PMIS2: variants seen among roughly 807,000 people sequenced by gnomAD.
PMIS2 encodes transmembrane protein PMIS2.
At chr19:35,586,644 A>G in intron 1 of PMIS2, 103 bp downstream of exon 1, 1 of 394,168 alleles carries the variant, frequency 2.5e-6, no homozygotes, top group Non-Finnish European at 4.4e-6. Context: ...CAGTGGTGCA[A>G]TCTCGGCTCA....
At chr19:35,587,230 C>CAA (rs1205013090), downstream of PMIS2, 2 of 397,572 alleles carry the variant, frequency 5.0e-6, no homozygotes, top group Non-Finnish European at 8.9e-6. Flanking sequence ...AGCCATCAGG[C>CAA]AAGAAATTCA....
chr19:35,586,522 C>A (rs1447678760), exon 1 of PMIS2: 3 of 397,850 alleles, frequency 7.5e-6, no homozygotes, highest in African/African-American at 4.1e-5. Flanking sequence ...GGATTGGCAG[C>A]TTTGTACTTC....
exon 1 of PMIS2, chr19:35,586,201 T>C: frequency 2.5e-6 from 1 of 398,886 alleles, no homozygotes; most frequent in Non-Finnish European, 4.4e-6. Flanking sequence ...AGGGGAAGCC[T>C]AGTGGGTCTG....
chr19:35,587,274 C>CT (rs1476358753), downstream of PMIS2: 5 of 395,450 alleles, frequency 1.3e-5, no homozygotes, highest in African/African-American at 2.1e-5. Flanking sequence ...AATCCTCTAA[C>CT]CAAGGAACTC....
chr19:35,586,799 C>T (rs140361305), intron 1 of PMIS2, among the ~76,000 whole-genome samples, 177 bp from the exon 2 acceptor site: 14 of 152,128 alleles, frequency 9.2e-5, no homozygotes, highest in East Asian at 3.9e-4. Flanking sequence ...AGGCTGGTCT[C>T]GAGCTTCTGA....
chr19:35,587,003 A>G (rs1599583468), intron 1 of PMIS2: 1 of 398,610 alleles, frequency 2.5e-6, no homozygotes, highest in East Asian at 3.6e-5. Context: ...ACCCACATCT[A>G]TGCTTCCACC....
chr19:35,586,874 A>G (rs939488038), intron 1 of PMIS2, 102 bp from the exon 2 acceptor site: 1 of 397,828 alleles, frequency 2.5e-6, no homozygotes, highest in Non-Finnish European at 4.4e-6. Flanking sequence ...CACTGCACCC[A>G]GCCTACCCTG....
exon 1 of PMIS2, chr19:35,586,438 C>G (rs745473806): frequency 1.8e-5 from 7 of 398,584 alleles, no homozygotes; most frequent in Admixed American, 4.4e-5. Context: ...ACACAGACAC[C>G]AGAGGAACTA....
At chr19:35,587,177 G>T (rs534207240) in exon 2 of PMIS2, 6 of 398,264 alleles carry the variant, frequency 1.5e-5, no homozygotes, top group Admixed American at 4.4e-5. Context: ...CCAGGGGTCC[G>T]CTCCCCAACC....
intron 1 of PMIS2, among the ~76,000 whole-genome samples, 158 bp downstream of exon 1, chr19:35,586,699 C>T (rs1454459665): frequency 6.6e-6 from 1 of 151,888 alleles, no homozygotes; most frequent in Non-Finnish European, 1.5e-5. Flanking sequence ...CCTGCCTCAG[C>T]CTCCTGAGTA....
chr19:35,586,686 TCTC>T (rs1237272876), intron 1 of PMIS2, 145 bp downstream of exon 1: 1 of 394,580 alleles, frequency 2.5e-6, no homozygotes, highest in Admixed American at 4.4e-5. Context: ...TTCCAGCAAT[TCTC>T]CTGCCTCAGC....
chr19:35,587,076 G>A (rs753846742), exon 2 of PMIS2: 9 of 398,494 alleles, frequency 2.3e-5, no homozygotes, highest in Admixed American at 8.8e-5. Context: ...AACTCAGGCC[G>A]AACTGGTTGG....
In PMIS2 at chr19:35,586,781, T is replaced by C. The variant is rs1331648835; in HGVS notation, c.282+240T>C. On this transcript the variant is annotated intron_variant, in intron 1 of 1. Transcript: ENST00000646476. Reference sequence around the variant, plus strand: ...TTTTAGTAGAGACGGGGTTTCACCATGCTGGCCAGGCTGGTCTCGAGCTTC... The same window carrying C: ...TTTTAGTAGAGACGGGGTTTCACCACGCTGGCCAGGCTGGTCTCGAGCTTC... Among the ~76,000 whole-genome samples the C allele has an allele frequency of 3.9e-5, 6 of 152,102 alleles. No homozygotes were observed. In the East Asian group the frequency reaches 1.2e-3, roughly 29 times the overall value.
In PMIS2 at chr19:35,586,256, G is replaced by T; in HGVS notation, c.-4G>T. ...CTCGGAGTCCGTCTTTGAGGGGAAA[G>T]GTCATGGCCCTGAAACCACCTTCTG... On this transcript the variant is annotated 5_prime_UTR_variant, in exon 1 of 2. In the 5' UTR this introduces an upstream ATG that the reference lacks. Coordinates refer to ENST00000646476, the Ensembl canonical transcript of PMIS2. 2.5e-6 allele frequency: 1 copy of T among 399,056 alleles called. No homozygotes were observed. The allele number at this position is 399,056 out of a possible 1,614,324, so 24.7% of individuals were successfully genotyped here.
At chr19:35,586,668 C>T (rs1023038955) in intron 1 of PMIS2, 127 bp downstream of exon 1, 7 of 395,066 alleles carry the variant, frequency 1.8e-5, no homozygotes, top group East Asian at 7.2e-5. Flanking sequence ...CAATCTCTGC[C>T]TTCCCGGTTC....
chr19:35,586,325 C>G (rs1050128271), exon 1 of PMIS2: 36 of 398,426 alleles, frequency 9.0e-5, no homozygotes, highest in Non-Finnish European at 1.3e-4. Flanking sequence ...CAGACGCCCC[C>G]CCTACCACAG....
chr19:35,586,813 T>C lies in PMIS2; in HGVS notation c.283-208T>C, dbSNP rs560409860. Among the ~76,000 whole-genome samples, 5 of 152,120 alleles carry C rather than the reference T, an allele frequency of 3.3e-5. No individual in the cohort carries two copies. In the East Asian group the frequency reaches 9.7e-4, roughly 29 times the overall value. Reference sequence around the variant, plus strand: ...CAGGCTGGTCTCGAGCTTCTGACCTTGTGATCCACCCGCCTTGGCCTCCCA... The same window carrying C: ...CAGGCTGGTCTCGAGCTTCTGACCTCGTGATCCACCCGCCTTGGCCTCCCA... On this transcript the variant is annotated intron_variant, in intron 1 of 1. Transcript: ENST00000646476.
At chr19:35,587,072 G>A in exon 2 of PMIS2, 2 of 398,630 alleles carry the variant, frequency 5.0e-6, no homozygotes, top group Non-Finnish European at 8.8e-6. Flanking sequence ...CATCAACTCA[G>A]GCCGAACTGG....
At chr19:35,586,930 AG>A in intron 1 of PMIS2, 45 bp from the exon 2 acceptor site, 1 of 398,598 alleles carries the variant, frequency 2.5e-6, no homozygotes. Context: ...GGACCTGCAT[AG>A]GGGCTTTCCC....
Sources: allele counts gnomAD v4.1 joint callset (sites outside exome capture counted in the v4.1 genomes callset), GRCh38; gene constraint gnomAD v4.1.1; transcripts MANE v1.5; gene names NCBI Gene and HGNC (gene_info 2026-07-23, HGNC 2026-07-21).